UMODL1: variants seen among roughly 807,000 people sequenced by gnomAD.
The protein encoded by UMODL1 is uromodulin like 1.
UMODL1 carries 128 observed loss-of-function variants against 136.3 expected under a neutral mutation model. The ratio of observed to expected loss-of-function variants is 0.94; its 90% CI spans 0.81 to 1.09. UMODL1 has a LOEUF of 1.09. Among genes scored for constraint, UMODL1 ranks in the 50% least tolerant of loss-of-function variants. UMODL1 has a pLI of 0.00. For synonymous variants in UMODL1, 721 were observed against 720.0 expected (o/e 1.00, Z -0.02); for missense variants, 1,766 against 1,725.6 (o/e 1.02, Z -0.41).
intron 14 of UMODL1, among the ~76,000 whole-genome samples, chr21:42,118,005 T>C (rs1230252452): frequency 6.6e-6 from 1 of 152,218 alleles, no homozygotes. Context: ...AAGTAGGATG[T>C]TAAGAGAAAT....
rs757010125 is a variant in UMODL1, at chr21:42,119,269, C to T, written c.2634C>T (p.Thr878=). ...AGGAGGTGTCAGCTGCATTTCTCAC[C>T]GCCTTCCAGACCGTGCCTCTGCTGG... The part of the protein sequence containing the change: ...DVQEVSAAFL[T]AFQTVPLLEV... The change falls in exon 15 of 23, where the codon ACC becomes ACT. Residue 878 remains threonine (T), a synonymous_variant. Transcript: ENST00000408910. The T allele has an allele frequency of 3.4e-5, 55 of 1,614,210 alleles. No individual in the cohort carries two copies. Among genetic ancestry groups the T allele is most frequent in the East Asian group, 8.9e-5 (4 of 44,892 alleles).
chr21:42,080,417 T>C (rs2066348541), intron 2 of UMODL1, among the ~76,000 whole-genome samples: 1 of 152,180 alleles, frequency 6.6e-6, no homozygotes, highest in African/African-American at 2.4e-5. Flanking sequence ...CCCGGGGGTC[T>C]GCGCCTCGGA....
rs200100112 is a variant in UMODL1, at chr21:42,109,710, A to AC, written c.1657+17dup. The stretch of plus-strand genomic sequence containing the variant: ...GCCGGGCCTGTGAGGGTACGTGTCG[A>AC]CCCCCCTGCCGACTCTGGGAAGACC... On this transcript the variant is annotated intron_variant, in intron 10 of 22. Transcript: ENST00000408910. 5,582 of 1,597,066 alleles carry AC rather than the reference A, an allele frequency of 3.5e-3. 144 individuals are homozygous for AC. The African/African-American group carries it at 0.065, about 19-fold the overall frequency.
chr21:42,121,665 A>T (rs542382503), intron 16 of UMODL1, among the ~76,000 whole-genome samples: 1 of 152,208 alleles, frequency 6.6e-6, no homozygotes, highest in East Asian at 1.9e-4. Flanking sequence ...TTTAACACTG[A>T]CCCCACGTTG....
chr21:42,078,196 C>T (rs1006790270), intron 2 of UMODL1, among the ~76,000 whole-genome samples: 22 of 133,408 alleles, frequency 1.6e-4, no homozygotes, highest in Non-Finnish European at 2.3e-4. Context: ...AGAAACCAGG[C>T]GGGGCCAGCT....
intron 5 of UMODL1, among the ~76,000 whole-genome samples, chr21:42,089,247 G>A (rs117319464): frequency 0.011 from 1,712 of 152,284 alleles, 12 homozygotes; most frequent in Middle Eastern, 0.051. Context: ...TTGCAGGAGG[G>A]TGGCTGCCTT....
intron 2 of UMODL1, among the ~76,000 whole-genome samples, chr21:42,079,115 G>C (rs948118720): frequency 6.6e-6 from 1 of 152,196 alleles, no homozygotes; most frequent in African/African-American, 2.4e-5. Flanking sequence ...GGCATTGTCA[G>C]GACTAGTGAG....
chr21:42,071,510 G>A, intron 1 of UMODL1, 118 bp downstream of exon 1: 1 of 1,041,288 alleles, frequency 9.6e-7, no homozygotes, highest in African/African-American at 1.7e-5. Context: ...TGCTTGGAGA[G>A]GCGACATCTG....
At position 42,099,318 on chromosome 21, in the gene UMODL1, C is replaced by G; in HGVS notation, c.1186+138C>G. 4 of 1,292,740 alleles carry G rather than the reference C, an allele frequency of 3.1e-6. No homozygotes were observed. The highest frequency in any genetic ancestry group is 4.1e-6 in the Non-Finnish European group (4 of 965,550). The allele number at this position is 1,292,740 out of a possible 1,614,324, so 80.1% of individuals were successfully genotyped here. A position where few individuals can be genotyped will look rare whatever the true frequency, so the allele number is the denominator to read the frequency against. On this transcript the variant is annotated intron_variant, in intron 7 of 22. Transcript: ENST00000408910. The surrounding 1 kb of genome is among the most constrained non-coding windows in gnomAD (Gnocchi z 4.1). ...CTGACCGCCCTGCACTTCCTCCCTC[C>G]CCTCCCAGTCATCCCACTGCCTGCC...
chr21:42,108,936 A>C (rs2066769943), intron 9 of UMODL1, among the ~76,000 whole-genome samples: 1 of 41,412 alleles, frequency 2.4e-5, no homozygotes, highest in Non-Finnish European at 3.9e-5. Flanking sequence ...AGAGAAGTCC[A>C]TGTTATACTC....
chr21:42,111,152 GACC>G, intron 11 of UMODL1, 31 bp downstream of exon 11: 1 of 1,590,248 alleles, frequency 6.3e-7, no homozygotes, highest in Non-Finnish European at 8.6e-7. Context: ...TCTGGGGATG[GACC>G]AGGGGAGCCC....
At chr21:42,134,347 G>A (rs147167025) in intron 21 of UMODL1, among the ~76,000 whole-genome samples, 75 of 152,266 alleles carry the variant, frequency 4.9e-4, no homozygotes, top group African/African-American at 1.6e-3. Flanking sequence ...TTCAGTTTTC[G>A]GAACTCCTCC....
At chr21:42,140,274 G>A (rs2067261595) in intron 22 of UMODL1, among the ~76,000 whole-genome samples, 1 of 151,758 alleles carries the variant, frequency 6.6e-6, no homozygotes, top group African/African-American at 2.4e-5. Context: ...TGTTATAGAT[G>A]GGAATCCAGG....
chr21:42,118,765 G>T (rs1430377461), intron 14 of UMODL1, among the ~76,000 whole-genome samples: 1 of 152,166 alleles, frequency 6.6e-6, no homozygotes, highest in African/African-American at 2.4e-5. Flanking sequence ...GGAGTATTAG[G>T]TTCTAGAAGC....
rs2066964108 is a variant in UMODL1 at position 42,121,076 on chromosome 21, A to G, written c.2690-11A>G. The G allele has an allele frequency of 4.3e-6, 7 of 1,609,914 alleles. No individual in the cohort carries two copies. The highest frequency in any genetic ancestry group is 5.9e-6 in the Non-Finnish European group (7 of 1,177,872). On this transcript the variant is annotated splice_polypyrimidine_tract_variant and intron_variant, in intron 15 of 22. Transcript: ENST00000408910. ...GATGTTCTTCTGTTTTGTCTTCTAAATGTTGTGCAGATTACGATGAGTGTG... is the reference window on the plus strand; with the variant it reads ...GATGTTCTTCTGTTTTGTCTTCTAAGTGTTGTGCAGATTACGATGAGTGTG...
Position 42,127,254 on chromosome 21 carries a change from G to A in UMODL1, c.3530+12G>A, listed in dbSNP as rs1364789366. 6.2e-7 allele frequency: 1 copy of A among 1,610,996 alleles called. No individual in the cohort carries two copies. Among genetic ancestry groups the A allele is most frequent in the Non-Finnish European group, 8.5e-7 (1 of 1,177,304 alleles). Reference sequence around the variant, plus strand: ...TTCATTAACAACAGGTAGGGCTCAGGAGTGCAGGCACCCCCATCCAGCAAT... The same window carrying A: ...TTCATTAACAACAGGTAGGGCTCAGAAGTGCAGGCACCCCCATCCAGCAAT... On this transcript the variant is annotated intron_variant, in intron 19 of 22. Transcript: ENST00000408910.
intron 8 of UMODL1, chr21:42,102,489 C>G (rs1450023330): frequency 2.3e-6 from 1 of 431,716 alleles, no homozygotes; most frequent in Non-Finnish European, 4.2e-6. Context: ...AGATACTGGG[C>G]CAATCCATCT....
chr21:42,125,205 A>G (rs1049975061), intron 17 of UMODL1, among the ~76,000 whole-genome samples: 4 of 152,190 alleles, frequency 2.6e-5, no homozygotes, highest in African/African-American at 7.2e-5. Flanking sequence ...AGGCTGGGAC[A>G]TGGACCTTGG....
chr21:42,070,230 C>T (rs556865650), upstream of UMODL1, among the ~76,000 whole-genome samples: 1 of 152,194 alleles, frequency 6.6e-6, no homozygotes, highest in East Asian at 1.9e-4. Flanking sequence ...ATGCAGCCAA[C>T]GTGAATCTTT....
Sources: gnomAD v4.1 joint callset for allele counts (sites outside exome capture counted in the v4.1 genomes callset) on GRCh38, gnomAD v4.1.1 for gene constraint, Gnocchi (gnomAD v3.1) non-coding constraint, MANE v1.5 for transcripts, NCBI Gene and HGNC (gene_info 2026-07-23, HGNC 2026-07-21) for gene names.